The following LPCAT1 variants were observed in gnomAD, a reference collection of about 807,000 sequenced individuals.
LPCAT1 encodes 1-acylglycerol-3-phosphate O-acyltransferase.
A neutral mutation model predicts 60.9 loss-of-function variants in LPCAT1; 23 were observed. The observed-to-expected ratio is 0.38, with a 90% CI of 0.27 to 0.53. LPCAT1 has a LOEUF of 0.53. LPCAT1 is among the 20% of genes least tolerant of loss of function. The pLI, the probability that LPCAT1 is intolerant of heterozygous loss-of-function variation, is 0.82. For missense variants in LPCAT1, 622 were observed against 723.6 expected, an observed-to-expected ratio of 0.86 and a Z score of 1.61; for synonymous variants, 340 against 301.1, an observed-to-expected ratio of 1.13 and a Z score of -1.34.
In LPCAT1 at chr5:1,480,389, G is replaced by A; in HGVS notation, c.761+553C>T. 1 of 985,262 alleles carries A rather than the reference G, an allele frequency of 1.0e-6. No homozygotes were observed. Among genetic ancestry groups the A allele is most frequent in the African/African-American group, 1.7e-5 (1 of 57,310 alleles). 61.0% of individuals were successfully genotyped at this position (985,262 alleles called of 1,614,324 possible). Reference sequence around the variant, plus strand: ...TCTCTTGGACTTTCCCGCTCCCTCTGCCCTCCCGACGTCAGCTCAGACGTC... The same window carrying A: ...TCTCTTGGACTTTCCCGCTCCCTCTACCCTCCCGACGTCAGCTCAGACGTC... On this transcript the variant is annotated intron_variant, in intron 7 of 13. Coordinates refer to ENST00000283415, the MANE Select transcript of LPCAT1 (RefSeq NM_024830.5). This position sits in a 1 kb window ranked among gnomAD's most constrained non-coding sequence, Gnocchi z 6.4.
rs1735138643 is a variant in LPCAT1, at chr5:1,481,452, G to A, written c.727-476C>T. On this transcript the variant is annotated intron_variant, in intron 6 of 13. Coordinates refer to ENST00000283415, the MANE Select transcript of LPCAT1 (RefSeq NM_024830.5). The surrounding 1 kb of genome is among the most constrained non-coding windows in gnomAD (Gnocchi z 7.8). ...CCCCCAACCACGGTGCATGTGCAGG[G>A]CCCCCCCACCCCGGGTGCTCTGAAG... is the stretch of plus-strand genomic sequence containing the variant. 6.6e-6 allele frequency among the ~76,000 whole-genome samples: 1 copy of A among 152,088 alleles called. No homozygotes were observed. Among genetic ancestry groups the A allele is most frequent in the Non-Finnish European group, 1.5e-5 (1 of 68,012 alleles).
Position 1,489,749 on chromosome 5 carries a change from T to A in LPCAT1, c.603A>T (p.Pro201=). Residue 201 remains proline, a synonymous_variant, in exon 4 of 14, where the codon CCA becomes CCT. Coordinates refer to ENST00000283415, the MANE Select transcript of LPCAT1 (RefSeq NM_024830.5). ...CAATCAGGGCTACGTGCATTACCTG[T>A]GGCCACTTTCCGTTGGACTGCGCCC... The part of the protein sequence containing the change: ...KRRAQSNGKW[P]QIMIFPEGTC... 6.2e-7 allele frequency: 1 copy of A among 1,606,492 alleles called. No homozygotes were observed. Among genetic ancestry groups the A allele is most frequent in the Non-Finnish European group, 8.5e-7 (1 of 1,172,938 alleles).
chr5:1,485,147 T>A (rs559899044), intron 5 of LPCAT1, among the ~76,000 whole-genome samples: 28 of 152,274 alleles, frequency 1.8e-4, no homozygotes, highest in Admixed American at 9.1e-4. Context: ...CCCGACCATG[T>A]GTCAAGGGGA....
At chr5:1,489,655 A>G (rs1560972781) in intron 4 of LPCAT1, 91 bp downstream of exon 4, 2 of 960,156 alleles carry the variant, frequency 2.1e-6, no homozygotes, top group Non-Finnish European at 3.4e-6. Flanking sequence ...CCAGCCCCGG[A>G]GGAAGGGCCC....
chr5:1,489,620 C>T (rs904596863), intron 4 of LPCAT1, 126 bp downstream of exon 4: 1 of 793,070 alleles, frequency 1.3e-6, no homozygotes, highest in Middle Eastern at 3.0e-4. Flanking sequence ...AGTTCACGCA[C>T]TCACTAGGAG....
rs1736053716 is a variant in LPCAT1, at chr5:1,502,498, G to C, written c.136-895C>G. The stretch of plus-strand genomic sequence containing the variant: ...GAGAGTGAACTGGCGGGAGGGCAGG[G>C]GCGCAGGTCAATATGGGGGCTCAGG... On this transcript the variant is annotated intron_variant, in intron 1 of 13. Coordinates refer to ENST00000283415, the MANE Select transcript of LPCAT1 (RefSeq NM_024830.5). This position sits in a 1 kb window ranked among gnomAD's most constrained non-coding sequence, Gnocchi z 5.5. 6.6e-6 allele frequency among the ~76,000 whole-genome samples: 1 copy of C among 152,158 alleles called. No homozygotes were observed. The highest frequency in any genetic ancestry group is 6.5e-5 in the Admixed American group (1 of 15,280).
chr5:1,501,830 C>G (rs568590500), intron 1 of LPCAT1, among the ~76,000 whole-genome samples: 1 of 152,102 alleles, frequency 6.6e-6, no homozygotes, highest in South Asian at 2.1e-4. Context: ...CTAACCAACA[C>G]TGACCAGCAC....
chr5:1,516,578 C>T (rs913921357), intron 1 of LPCAT1, among the ~76,000 whole-genome samples: 1 of 152,158 alleles, frequency 6.6e-6, no homozygotes, highest in Non-Finnish European at 1.5e-5. Context: ...TTTGGTTCTA[C>T]CCCAAGGGTT....
In LPCAT1 at chr5:1,463,745, G is replaced by A. The variant is rs1161855709; in HGVS notation, c.1511C>T (p.Thr504Ile). The A allele has an allele frequency of 1.9e-6, 3 of 1,614,144 alleles. No homozygotes were observed. The African/African-American group carries it at 4.0e-5, about 22-fold the overall frequency. ...DQTHFESCAE[T>I]SPAPIPNGFC... ...GCCGTTTGGGATTGGCGCAGGTGAG[G>A]TCTCTGCACAGCTTTCGAAATGTGT... The change falls in exon 14 of 14, where the codon ACC becomes ATC. Residue 504 changes from threonine to isoleucine, a missense_variant. Thr to Ile is a moderately conservative substitution (Grantham distance 89). Around this residue, in one of 3 missense-constraint regions of LPCAT1, gnomAD observed 288 missense variants for 283.6 expected, o/e 1.02. Transcript: ENST00000283415.
chr5:1,474,989 G>A lies in LPCAT1; in HGVS notation c.900-304C>T, dbSNP rs148945143. On this transcript the variant is annotated intron_variant, in intron 9 of 13. Coordinates refer to ENST00000283415, the MANE Select transcript of LPCAT1 (RefSeq NM_024830.5). ...CATGTGACGTGGAGACACGAAGTGA[G>A]CTCATGGTGCGAGAATTACCAACAT... Among the ~76,000 whole-genome samples the A allele has an allele frequency of 4.5e-4, 68 of 152,374 alleles. 1 individual carries two copies. The highest frequency in any genetic ancestry group is 6.8e-3 in the Middle Eastern group (2 of 294).
intron 13 of LPCAT1, among the ~76,000 whole-genome samples, chr5:1,466,163 C>T (rs928263591): frequency 3.3e-5 from 5 of 152,232 alleles, no homozygotes; most frequent in Non-Finnish European, 2.9e-5. Flanking sequence ...GGAGGCGCCC[C>T]GGGCTCGGGT....
chr5:1,494,772 C>T lies in LPCAT1; in HGVS notation c.421G>A (p.Ala141Thr). ...GACATCGTCATGGTCACAGGGATGG[C>T]GTCGAAGTAGGACGAGTGAGGCGCG... ...TLAPHSSYFD[A>T]IPVTMTMSSI... Residue 141 changes from alanine to threonine, a missense_variant, in exon 3 of 14, where the codon GCC becomes ACC. Transcript: ENST00000283415. The T allele has an allele frequency of 3.7e-6, 6 of 1,614,232 alleles. No homozygotes were observed. Among genetic ancestry groups the T allele is most frequent in the South Asian group, 1.1e-5 (1 of 91,090 alleles).
rs772635191 is a variant in LPCAT1 at position 1,463,798 on chromosome 5, G to A, written c.1458C>T (p.Phe486=). 37 of 1,614,216 alleles carry A rather than the reference G, an allele frequency of 2.3e-5. No individual in the cohort carries two copies. In the Middle Eastern group the frequency reaches 4.9e-4, roughly 22 times the overall value. Residue 486 remains phenylalanine (F), a synonymous_variant, in exon 14 of 14, where the codon TTC becomes TTT. Coordinates refer to ENST00000283415, the MANE Select transcript of LPCAT1 (RefSeq NM_024830.5). ...GATCCGGGTACAGGTATTCCTCTGC[G>A]AAGGCAGGGTACATTTCTGCAAACC... The part of the protein sequence containing the change: ...FHRFAEMYPA[F]AEEYLYPDQT...
intron 11 of LPCAT1, among the ~76,000 whole-genome samples, chr5:1,472,861 A>G (rs937646200): frequency 1.3e-5 from 2 of 152,132 alleles, no homozygotes; most frequent in Admixed American, 6.5e-5. Context: ...CCTGTAGCAG[A>G]GGGCCCGTGG....
At chr5:1,466,619 A>T in intron 13 of LPCAT1, 130 bp downstream of exon 13, 1 of 1,005,472 alleles carries the variant, frequency 9.9e-7, no homozygotes, top group Admixed American at 3.2e-5. Context: ...TTTGTTACAC[A>T]GGGCAGCCTG....
Position 1,477,377 on chromosome 5 carries a change from C to T in LPCAT1, c.899+27G>A, listed in dbSNP as rs762243644. ...ACTCTGGGAGACACCCCTGACTCGG[C>T]GATGGGGGAAGGAGCTGCTCACTTA... On this transcript the variant is annotated intron_variant, in intron 9 of 13. Coordinates refer to ENST00000283415, the MANE Select transcript of LPCAT1 (RefSeq NM_024830.5). The surrounding 1 kb of genome is among the most constrained non-coding windows in gnomAD (Gnocchi z 6.0). 6 of 1,598,492 alleles carry T rather than the reference C, an allele frequency of 3.8e-6. No homozygotes were observed. Among genetic ancestry groups the T allele is most frequent in the East Asian group, 2.2e-5 (1 of 44,766 alleles).
At chr5:1,499,759 T>G (rs1394645574) in intron 2 of LPCAT1, among the ~76,000 whole-genome samples, 1 of 152,206 alleles carries the variant, frequency 6.6e-6, no homozygotes, top group Non-Finnish European at 1.5e-5. Flanking sequence ...GCACCATGTC[T>G]GCACGCAACG....
chr5:1,489,170 C>T (rs1735477557), intron 4 of LPCAT1, among the ~76,000 whole-genome samples: 1 of 152,216 alleles, frequency 6.6e-6, no homozygotes, highest in South Asian at 2.1e-4. Context: ...GCTGGGGCAC[C>T]CTGGAAGTCA....
At chr5:1,493,388 A>G (rs551888057) in intron 3 of LPCAT1, among the ~76,000 whole-genome samples, 1 of 152,324 alleles carries the variant, frequency 6.6e-6, no homozygotes, top group South Asian at 2.1e-4. Context: ...GGTCAGCACC[A>G]CAGAATGTGT....
Sources: gnomAD v4.1 joint callset for allele counts (sites outside exome capture counted in the v4.1 genomes callset) on GRCh38, gnomAD v4.1.1 for gene constraint, gnomAD v4.1.1 regional missense constraint, Gnocchi (gnomAD v3.1) non-coding constraint, MANE v1.5 for transcripts, NCBI Gene and HGNC (gene_info 2026-07-23, HGNC 2026-07-21) for gene names.